The following PCDHGA4 variants were observed in gnomAD, a reference collection of about 807,000 sequenced individuals.
PCDHGA4 encodes the protein protocadherin gamma-A4.
Under a neutral mutation model 54.6 loss-of-function variants are expected in PCDHGA4, and 38 were observed. The ratio of observed to expected loss-of-function variants is 0.70; its 90% CI spans 0.54 to 0.91. The LOEUF is 0.91. Among genes scored for constraint, PCDHGA4 ranks in the 40% least tolerant of loss-of-function variants. The pLI, the probability that PCDHGA4 is intolerant of heterozygous loss-of-function variation, is 0.00. For missense variants in PCDHGA4, 1,298 were observed against 1,220.9 expected (o/e 1.06, Z -0.94); for synonymous variants, 511 against 512.9 (o/e 1.00, Z 0.05).
At chr5:141,421,955 T>A in intron 1 of PCDHGA4, 1 of 1,612,914 alleles carries the variant, frequency 6.2e-7, no homozygotes, top group South Asian at 1.1e-5. Context: ...ATCCCAATGT[T>A]TACACAGTCC....
intron 1 of PCDHGA4, chr5:141,372,380 A>C (rs1201023988): frequency 8.7e-6 from 14 of 1,613,964 alleles, no homozygotes; most frequent in Non-Finnish European, 1.2e-5. Flanking sequence ...TGCTGCACCT[A>C]ATCTTCGCAG....
In PCDHGA4 at chr5:141,412,947, C is replaced by T. The variant is rs930035804; in HGVS notation, c.2514+55326C>T. On this transcript the variant is annotated intron_variant, in intron 1 of 3. Coordinates refer to ENST00000571252, the MANE Select transcript of PCDHGA4 (RefSeq NM_018917.4). ...AGTAACTTCTTAGGACTCTGAGCGC[C>T]GCTGTTCACCTACTAGGAGAGAAAA... is the stretch of plus-strand genomic sequence containing the variant. The T allele has an allele frequency of 2.3e-5, 11 of 475,008 alleles. No individual in the cohort carries two copies. The Middle Eastern group carries it at 2.2e-3, about 94-fold the overall frequency. 29.4% of individuals were successfully genotyped at this position (475,008 alleles called of 1,614,324 possible). A position where few individuals can be genotyped will look rare whatever the true frequency, so the allele number is the denominator to read the frequency against.
intron 1 of PCDHGA4, among the ~76,000 whole-genome samples, chr5:141,488,534 A>C (rs1169478867): frequency 1.3e-5 from 2 of 152,292 alleles, no homozygotes; most frequent in East Asian, 3.9e-4. Flanking sequence ...AGAAAAGCTA[A>C]GTCCCATGTC....
At chr5:141,443,050 T>C (rs1290373918) in intron 1 of PCDHGA4, among the ~76,000 whole-genome samples, 1 of 152,236 alleles carries the variant, frequency 6.6e-6, no homozygotes, top group Non-Finnish European at 1.5e-5. Flanking sequence ...AAAATTATTG[T>C]TCCACTGAAG....
chr5:141,494,701 C>G, intron 1 of PCDHGA4, 106 bp from the exon 2 acceptor site: 1 of 1,594,596 alleles, frequency 6.3e-7, no homozygotes, highest in Non-Finnish European at 8.6e-7. Context: ...CCGTTTTCTT[C>G]TCTGTGCCCA....
intron 1 of PCDHGA4, among the ~76,000 whole-genome samples, chr5:141,447,761 T>C (rs2098551051): frequency 1.3e-5 from 2 of 152,186 alleles, no homozygotes; most frequent in African/African-American, 4.8e-5. Context: ...TGACTGTATA[T>C]AAATTATACT....
At chr5:141,505,154 C>T (rs1443235547) in intron 2 of PCDHGA4, among the ~76,000 whole-genome samples, 2 of 152,028 alleles carry the variant, frequency 1.3e-5, no homozygotes, top group Non-Finnish European at 2.9e-5. Flanking sequence ...AGAGTAAGAC[C>T]CTGTCTAAAA....
In PCDHGA4 at chr5:141,405,081, C is replaced by T. The variant is rs749102403; in HGVS notation, c.2514+47460C>T. 1.0e-4 allele frequency: 163 copies of T among 1,613,766 alleles called. No homozygotes were observed. The highest frequency in any genetic ancestry group is 1.2e-4 in the Non-Finnish European group (138 of 1,179,768). ...TGTGTCTTCCTCACCTTCGTTATCA[C>T]GCTGCTGGCCCTCAGGCTGAGGCAC... On this transcript the variant is annotated intron_variant, in intron 1 of 3. Transcript: ENST00000571252.
At chr5:141,416,641 C>A (rs996381588) in intron 1 of PCDHGA4, 1 of 152,056 alleles carries the variant, frequency 6.6e-6, no homozygotes, top group Non-Finnish European at 1.5e-5. Context: ...AAACACCAAC[C>A]ACAGCTGTAA....
At chr5:141,394,251 G>A (rs1380359596) in intron 1 of PCDHGA4, 1 of 1,613,744 alleles carries the variant, frequency 6.2e-7, no homozygotes, top group Non-Finnish European at 8.5e-7. Flanking sequence ...ACACGACCCC[G>A]ACAGCCAGGA....
At chr5:141,394,681 C>G in intron 1 of PCDHGA4, 2 of 1,612,998 alleles carry the variant, frequency 1.2e-6, no homozygotes, top group Non-Finnish European at 1.7e-6. Context: ...GGTCTGCACA[C>G]GGGCGAGGTG....
intron 1 of PCDHGA4, chr5:141,360,857 T>C (rs765284863): frequency 6.2e-7 from 1 of 1,613,894 alleles, no homozygotes; most frequent in Non-Finnish European, 8.5e-7. Flanking sequence ...AACCCTCCAG[T>C]GTTCAGCCAG....
intron 1 of PCDHGA4, chr5:141,375,266 G>C: frequency 6.2e-7 from 1 of 1,613,846 alleles, no homozygotes. Flanking sequence ...ATTTGAATTG[G>C]AAAAATCAGT....
In PCDHGA4 at chr5:141,506,418, G is replaced by A. The variant is rs2099853241; in HGVS notation, c.2662+937G>A. Among the ~76,000 whole-genome samples, 3 of 141,160 alleles carry A rather than the reference G, an allele frequency of 2.1e-5. No homozygotes were observed. The South Asian group carries it at 6.6e-4, about 31-fold the overall frequency. 92.6% of individuals were successfully genotyped at this position (141,160 alleles called of 152,430 possible). The stretch of plus-strand genomic sequence containing the variant: ...CAGAAAATCGCACCACTGCACTCCA[G>A]CCTGGGCAACAGTCTCGCTCTGTCT... On this transcript the variant is annotated intron_variant, in intron 3 of 3. Coordinates refer to ENST00000571252, the MANE Select transcript of PCDHGA4 (RefSeq NM_018917.4).
In PCDHGA4 at chr5:141,490,363, C is replaced by G; in HGVS notation, c.2515-4444C>G. 3 of 1,614,154 alleles carry G rather than the reference C, an allele frequency of 1.9e-6. No homozygotes were observed. Among genetic ancestry groups the G allele is most frequent in the Non-Finnish European group, 2.5e-6 (3 of 1,180,032 alleles). On this transcript the variant is annotated intron_variant, in intron 1 of 3. Transcript: ENST00000571252. This position sits in a 1 kb window ranked among gnomAD's most constrained non-coding sequence, Gnocchi z 5.4. ...CACAGTAGTGGGGTTGTTTAATGTGCGAGACCGGGACTCAGGTAGAAATGG... is the reference window on the plus strand; with the variant it reads ...CACAGTAGTGGGGTTGTTTAATGTGGGAGACCGGGACTCAGGTAGAAATGG...
chr5:141,510,553 A>C (rs1471878583), intron 3 of PCDHGA4, among the ~76,000 whole-genome samples: 1 of 152,162 alleles, frequency 6.6e-6, no homozygotes, highest in African/African-American at 2.4e-5. Context: ...TGTTTTGAGC[A>C]CTTACATCTA....
intron 2 of PCDHGA4, among the ~76,000 whole-genome samples, chr5:141,496,703 GT>G (rs1360916053): frequency 6.6e-6 from 1 of 152,132 alleles, no homozygotes; most frequent in East Asian, 1.9e-4. Context: ...CTTCTCATAA[GT>G]TATCCATTAA....
Position 141,429,458 on chromosome 5 carries a change from T to C in PCDHGA4, c.2515-65349T>C, listed in dbSNP as rs561407449. 1.6e-4 allele frequency among the ~76,000 whole-genome samples: 25 copies of C among 152,210 alleles called. 1 individual carries two copies. The South Asian group carries it at 4.6e-3, about 28-fold the overall frequency. ...TCAAACTCTTGGGCTACAGTAATCC[T>C]CCCACCTCAATCTCCAGAGTAGCTG... On this transcript the variant is annotated intron_variant, in intron 1 of 3. Transcript: ENST00000571252.
At chr5:141,384,666 C>T in intron 1 of PCDHGA4, 1 of 1,614,220 alleles carries the variant, frequency 6.2e-7, no homozygotes, top group Non-Finnish European at 8.5e-7. Flanking sequence ...ACCTGGTGAC[C>T]AAGGTGGTGG....
Sources: allele counts gnomAD v4.1 joint callset (sites outside exome capture counted in the v4.1 genomes callset), GRCh38; gene constraint gnomAD v4.1.1; non-coding constraint Gnocchi (gnomAD v3.1); transcripts MANE v1.5; gene names NCBI Gene and HGNC (gene_info 2026-07-23, HGNC 2026-07-21).